The following RBFOX1 variants were observed in gnomAD, a reference collection of about 807,000 sequenced individuals.
RBFOX1 encodes RNA binding protein fox-1 homolog 1.
RBFOX1 carries 8 observed loss-of-function variants against 57.7 expected under a neutral mutation model. The observed-to-expected ratio is 0.14, with a 90% CI of 0.08 to 0.25. RBFOX1 has a LOEUF of 0.25. RBFOX1 is among the 10% of genes least tolerant of loss of function. RBFOX1 has a pLI of 1.00. For missense variants in RBFOX1, 611 were observed against 548.5 expected, an observed-to-expected ratio of 1.11 and a Z score of -1.14; for synonymous variants, 326 against 222.4, an observed-to-expected ratio of 1.47 and a Z score of -4.15.
chr16:7,260,888 A>T (rs2094892987), intron 4 of RBFOX1, among the ~76,000 whole-genome samples: 1 of 152,174 alleles, frequency 6.6e-6, no homozygotes. Context: ...GGGAGTTCTG[A>T]TGCAGTCACT....
In RBFOX1 at chr16:5,378,777, C is replaced by A. The variant is rs148886573; in HGVS notation, c.220-88439C>A. ...GTAAAATGGGAGATAATGCTAATGC[C>A]CATCTCATCCTTGTAAAGTGATTAG... On this transcript the variant is annotated intron_variant, in intron 1 of 2. Transcript: ENST00000585867. Among the ~76,000 whole-genome samples the A allele has an allele frequency of 1.3e-5, 2 of 151,600 alleles. 1 individual carries two copies. Among genetic ancestry groups the A allele is most frequent in the African/African-American group, 4.9e-5 (2 of 40,858 alleles).
In RBFOX1 at chr16:6,701,038, G is replaced by A. The variant is rs182015999; in HGVS notation, c.-16+46388G>A. On this transcript the variant is annotated intron_variant, in intron 3 of 15. Transcript: ENST00000550418. ...AGTAGAGAGCAGAGTTGGGCAGAGG[G>A]GGGGGTGAGTCAGACTATGATGTGA... is the stretch of plus-strand genomic sequence containing the variant. Among the ~76,000 whole-genome samples, 536 of 152,212 alleles carry A rather than the reference G, an allele frequency of 3.5e-3. 6 individuals are homozygous for A. In the East Asian group the frequency reaches 0.059, roughly 17 times the overall value.
intron 1 of RBFOX1, among the ~76,000 whole-genome samples, chr16:5,424,463 G>A (rs1334864726): frequency 1.3e-5 from 2 of 151,694 alleles, no homozygotes; most frequent in Non-Finnish European, 1.5e-5. Flanking sequence ...ATTATGAGAA[G>A]CAAAGGAAAA....
intron 4 of RBFOX1, among the ~76,000 whole-genome samples, chr16:7,243,153 C>T (rs778927448): frequency 1.3e-5 from 2 of 151,868 alleles, no homozygotes; most frequent in Non-Finnish European, 1.5e-5. Context: ...TGTAACACAC[C>T]CAGTATTAAA....
At chr16:7,234,341 G>A (rs2093659253) in intron 4 of RBFOX1, among the ~76,000 whole-genome samples, 1 of 152,104 alleles carries the variant, frequency 6.6e-6, no homozygotes, top group South Asian at 2.1e-4. Context: ...AGTGAGTTGA[G>A]ATGAGGAATC....
intron 3 of RBFOX1, among the ~76,000 whole-genome samples, chr16:5,605,196 A>G (rs2047526469): frequency 6.6e-6 from 1 of 152,102 alleles, no homozygotes; most frequent in Non-Finnish European, 1.5e-5. Context: ...GAAGAAAGAG[A>G]TGGGGCAGAT....
chr16:6,724,787 T>A (rs748918629), intron 3 of RBFOX1, among the ~76,000 whole-genome samples: 2 of 152,124 alleles, frequency 1.3e-5, no homozygotes, highest in Non-Finnish European at 2.9e-5. Flanking sequence ...GCAGGTTTGT[T>A]ACATAAGTAA....
intron 5 of RBFOX1, among the ~76,000 whole-genome samples, chr16:7,548,454 C>T (rs1221934566): frequency 6.6e-6 from 1 of 152,196 alleles, no homozygotes; most frequent in Non-Finnish European, 1.5e-5. Flanking sequence ...CTGCGCCTGG[C>T]CTCGTATTAG....
chr16:7,312,927 G>T (rs1048076934), intron 4 of RBFOX1, among the ~76,000 whole-genome samples: 1 of 152,010 alleles, frequency 6.6e-6, no homozygotes, highest in Admixed American at 6.5e-5. Flanking sequence ...GGGGCCCCAG[G>T]GTGCCTGGGT....
intron 2 of RBFOX1, among the ~76,000 whole-genome samples, chr16:5,491,817 G>A (rs2042839562): frequency 6.6e-6 from 1 of 152,194 alleles, no homozygotes; most frequent in Non-Finnish European, 1.5e-5. Flanking sequence ...AAGCCTAGCT[G>A]CACATTAGAA....
intron 1 of RBFOX1, among the ~76,000 whole-genome samples, chr16:5,284,562 A>T: frequency 6.8e-6 from 1 of 146,706 alleles, no homozygotes. Flanking sequence ...TTTTTTAGGC[A>T]ATGGAGTCTC....
In RBFOX1 at chr16:6,020,813, C is replaced by A. The variant is rs1189034560; in HGVS notation, c.-127+821C>A. ...GCCCAGGAGGCCACTTGGCTGTGAG[C>A]TCCTGGAGCCTCCCTGGCGCCAGCT... is the stretch of plus-strand genomic sequence containing the variant. On this transcript the variant is annotated intron_variant, in intron 1 of 15. Coordinates refer to ENST00000550418, the MANE Select transcript of RBFOX1 (RefSeq NM_018723.4). Among the ~76,000 whole-genome samples the A allele has an allele frequency of 3.9e-5, 6 of 152,318 alleles. No individual in the cohort carries two copies. In the East Asian group the frequency reaches 1.2e-3, roughly 30 times the overall value.
At chr16:6,954,087 T>C (rs2081294591) in intron 3 of RBFOX1, among the ~76,000 whole-genome samples, 1 of 152,178 alleles carries the variant, frequency 6.6e-6, no homozygotes, top group African/African-American at 2.4e-5. Flanking sequence ...GGTAATAAAG[T>C]GTAACAGACA....
intron 2 of RBFOX1, chr16:6,483,893 T>G: frequency 8.7e-7 from 1 of 1,147,274 alleles, no homozygotes; most frequent in Non-Finnish European, 1.1e-6. Flanking sequence ...AGGCTGCGTT[T>G]GCAGCGCGTG....
intron 2 of RBFOX1, among the ~76,000 whole-genome samples, chr16:5,490,084 C>G (rs1230658810): frequency 1.3e-5 from 2 of 152,244 alleles, no homozygotes; most frequent in African/African-American, 4.8e-5. Context: ...CTGTCCTCAG[C>G]TTCTACTGTG....
chr16:6,437,943 C>A (rs1407088676), intron 2 of RBFOX1, among the ~76,000 whole-genome samples: 1 of 152,110 alleles, frequency 6.6e-6, no homozygotes, highest in East Asian at 1.9e-4. Flanking sequence ...CAAACCATAT[C>A]AGCATGCCAA....
intron 1 of RBFOX1, among the ~76,000 whole-genome samples, chr16:6,204,355 G>A (rs1468228666): frequency 6.6e-6 from 1 of 152,170 alleles, no homozygotes; most frequent in Non-Finnish European, 1.5e-5. Flanking sequence ...TCATCCAGAT[G>A]TATTACTGAA....
chr16:5,688,912 T>C (rs1457615034), intron 3 of RBFOX1, among the ~76,000 whole-genome samples: 1 of 152,192 alleles, frequency 6.6e-6, no homozygotes, highest in Non-Finnish European at 1.5e-5. Context: ...TTTCAGTCTC[T>C]AGATTAACTA....
At chr16:7,514,854 T>C (rs1482659712) in intron 4 of RBFOX1, among the ~76,000 whole-genome samples, 1 of 152,230 alleles carries the variant, frequency 6.6e-6, no homozygotes, top group African/African-American at 2.4e-5. Context: ...CCACTTTTCC[T>C]GAGCTTGCTC....
Sources: allele counts gnomAD v4.1 joint callset (sites outside exome capture counted in the v4.1 genomes callset), GRCh38; gene constraint gnomAD v4.1.1; transcripts MANE v1.5; gene names NCBI Gene and HGNC (gene_info 2026-07-23, HGNC 2026-07-21).